UBTD2: variants seen among roughly 807,000 people sequenced by gnomAD.
UBTD2 encodes the protein ubiquitin domain containing 2, also known as ubiquitin domain-containing protein 2.
In UBTD2, 9 loss-of-function variants were observed where a neutral mutation model predicts 19.8. The observed-to-expected ratio is 0.46, with a 90% CI of 0.27 to 0.79. The LOEUF (loss-of-function observed/expected upper bound fraction) is 0.79, where lower values mean the gene tolerates loss of function less well. Among genes scored for constraint, UBTD2 ranks in the 30% least tolerant of loss-of-function variants. The pLI, the probability that UBTD2 is intolerant of heterozygous loss-of-function variation, is 0.14. For synonymous variants in UBTD2, 98 were observed against 103.9 expected (o/e 0.94, Z 0.35); for missense variants, 250 against 300.4 (o/e 0.83, Z 1.24).
At chr5:172,282,259 T>C (rs1426086628) in intron 1 of UBTD2, among the ~76,000 whole-genome samples, 1 of 152,220 alleles carries the variant, frequency 6.6e-6, no homozygotes, top group East Asian at 1.9e-4. Context: ...TCTTCCTGCT[T>C]TGTTGTCACT....
At chr5:172,263,372 T>C (rs1755311207) in intron 1 of UBTD2, among the ~76,000 whole-genome samples, 2 of 152,098 alleles carry the variant, frequency 1.3e-5, no homozygotes, top group African/African-American at 4.8e-5. Flanking sequence ...CTTTCGTAAG[T>C]TAAAATAGGA....
intron 2 of UBTD2, among the ~76,000 whole-genome samples, chr5:172,214,931 A>G (rs1771514449): frequency 6.6e-6 from 1 of 152,192 alleles, no homozygotes; most frequent in African/African-American, 2.4e-5. Flanking sequence ...AAATCAACAG[A>G]TATTCTTAAT....
chr5:172,277,580 C>G (rs1015650832), intron 1 of UBTD2, among the ~76,000 whole-genome samples: 1 of 151,912 alleles, frequency 6.6e-6, no homozygotes, highest in South Asian at 2.1e-4. Flanking sequence ...GTGGTGCACA[C>G]CTGTGGTCCC....
At chr5:172,268,509 G>A (rs941855027) in intron 1 of UBTD2, among the ~76,000 whole-genome samples, 1 of 152,110 alleles carries the variant, frequency 6.6e-6, no homozygotes, top group African/African-American at 2.4e-5. Context: ...AGTCAATGTC[G>A]GCCGGGCGTG....
chr5:172,281,359 G>A (rs1306822516), intron 1 of UBTD2, among the ~76,000 whole-genome samples: 2 of 152,178 alleles, frequency 1.3e-5, no homozygotes, highest in Non-Finnish European at 2.9e-5. Flanking sequence ...TTAGCCGGGT[G>A]CGGTGGCATG....
At chr5:172,238,627 T>C (rs1772058486) in intron 1 of UBTD2, among the ~76,000 whole-genome samples, 1 of 152,212 alleles carries the variant, frequency 6.6e-6, no homozygotes, top group Non-Finnish European at 1.5e-5. Flanking sequence ...AAGTAAGGCT[T>C]GTTTCTCAGA....
chr5:172,265,094 AG>A (rs898473845), intron 1 of UBTD2, among the ~76,000 whole-genome samples: 2 of 152,202 alleles, frequency 1.3e-5, no homozygotes, highest in African/African-American at 4.8e-5. Flanking sequence ...TCACCTCCAA[AG>A]CAAGTCAAGT....
chr5:172,259,945 CG>C (rs1385937802), intron 1 of UBTD2, among the ~76,000 whole-genome samples: 2 of 151,920 alleles, frequency 1.3e-5, no homozygotes, highest in African/African-American at 2.4e-5. Context: ...CCCAGCTACT[CG>C]GGAGGCTGAG....
At chr5:172,264,441 T>C (rs556793514) in intron 1 of UBTD2, among the ~76,000 whole-genome samples, 1 of 151,004 alleles carries the variant, frequency 6.6e-6, no homozygotes, top group Non-Finnish European at 1.5e-5. Flanking sequence ...CCTGGGAGGC[T>C]GAGACAGGAG....
chr5:172,219,516 C>T (rs1771611919), intron 2 of UBTD2, among the ~76,000 whole-genome samples: 2 of 152,154 alleles, frequency 1.3e-5, no homozygotes, highest in South Asian at 4.1e-4. Flanking sequence ...TAGTAGCCAT[C>T]TTGGTTATCA....
In UBTD2 at chr5:172,283,711, G is replaced by A. The variant is rs1755773583; in HGVS notation, c.-46C>T. 3.4e-6 allele frequency: 4 copies of A among 1,186,452 alleles called. No homozygotes were observed. The highest frequency in any genetic ancestry group is 4.2e-6 in the Non-Finnish European group (4 of 954,222). The allele number at this position is 1,186,452 out of a possible 1,614,324, so 73.5% of individuals were successfully genotyped here. Reference sequence around the variant, plus strand: ...CCGCCACCTCCGGACGCTCGTCCGGGCCCGCCGCCGCCGCCGCTGCAGCCT... The same window carrying A: ...CCGCCACCTCCGGACGCTCGTCCGGACCCGCCGCCGCCGCCGCTGCAGCCT... On this transcript the variant is annotated 5_prime_UTR_variant, in exon 1 of 3. Transcript: ENST00000393792. This position sits in a 1 kb window ranked among gnomAD's most constrained non-coding sequence, Gnocchi z 4.3.
At chr5:172,263,844 C>T (rs529163863) in intron 1 of UBTD2, among the ~76,000 whole-genome samples, 4 of 44,500 alleles carry the variant, frequency 9.0e-5, no homozygotes, top group South Asian at 1.4e-3. Flanking sequence ...ATACAATGCA[C>T]GTGCCTCTGT....
chr5:172,225,060 C>T (rs1008970144), intron 2 of UBTD2, among the ~76,000 whole-genome samples: 5 of 152,142 alleles, frequency 3.3e-5, no homozygotes, highest in African/African-American at 1.2e-4. Context: ...GATTGCTCAC[C>T]TAACATCCTC....
chr5:172,214,416 C>T lies in UBTD2; in HGVS notation c.308-2189G>A, dbSNP rs116924349. ...AGAACACACGTGAATCTTCCCTCTT[C>T]TCTGTTTAGCCTCTGTGTATTCACT... On this transcript the variant is annotated intron_variant, in intron 2 of 2. Coordinates refer to ENST00000393792, the MANE Select transcript of UBTD2 (RefSeq NM_152277.3). Among the ~76,000 whole-genome samples, 98 of 152,314 alleles carry T rather than the reference C, an allele frequency of 6.4e-4. 1 individual carries two copies. In the East Asian group the frequency reaches 0.012, roughly 19 times the overall value.
intron 1 of UBTD2, among the ~76,000 whole-genome samples, chr5:172,281,934 G>T (rs1581238414): frequency 1.3e-5 from 2 of 152,096 alleles, no homozygotes; most frequent in Non-Finnish European, 2.9e-5. Flanking sequence ...TATCTAACTG[G>T]ATACCACCGG....
intron 1 of UBTD2, among the ~76,000 whole-genome samples, chr5:172,243,394 G>C (rs1772169409): frequency 1.3e-5 from 2 of 151,882 alleles, no homozygotes; most frequent in African/African-American, 4.8e-5. Flanking sequence ...TGGGACTAGT[G>C]ACCTTGTAAG....
At chr5:172,241,950 G>A (rs574896614) in intron 1 of UBTD2, among the ~76,000 whole-genome samples, 2 of 152,364 alleles carry the variant, frequency 1.3e-5, no homozygotes, top group Non-Finnish European at 2.9e-5. Context: ...CCTGGGAGAT[G>A]TAGGCTGCAG....
At chr5:172,230,832 A>G (rs894576950) in intron 2 of UBTD2, among the ~76,000 whole-genome samples, 4 of 146,736 alleles carry the variant, frequency 2.7e-5, no homozygotes, top group Admixed American at 6.9e-5. Flanking sequence ...CGCTCAGGCT[A>G]GAGTGCAGTG....
chr5:172,255,019 C>A, intron 1 of UBTD2: 1 of 553,404 alleles, frequency 1.8e-6, no homozygotes, highest in African/African-American at 1.9e-5. Context: ...GCAAGATCCC[C>A]AGGCTCCATA....
Sources: gnomAD v4.1 joint callset for allele counts (sites outside exome capture counted in the v4.1 genomes callset) on GRCh38, gnomAD v4.1.1 for gene constraint, Gnocchi (gnomAD v3.1) non-coding constraint, MANE v1.5 for transcripts, NCBI Gene and HGNC (gene_info 2026-07-23, HGNC 2026-07-21) for gene names.